ZSWIM9: variants seen among roughly 807,000 people sequenced by gnomAD.
ZSWIM9 encodes uncharacterized protein ZSWIM9.
A neutral mutation model predicts 25.0 loss-of-function variants in ZSWIM9; 11 were observed. That is an observed-to-expected ratio of 0.44 (90% CI 0.28 to 0.73). The LOEUF is 0.73. Among genes scored for constraint, ZSWIM9 ranks in the 30% least tolerant of loss-of-function variants. ZSWIM9 has a pLI of 0.16. For missense variants in ZSWIM9, 1,070 were observed against 1,296.5 expected, an observed-to-expected ratio of 0.83 and a Z score of 2.68; for synonymous variants, 562 against 582.1, an observed-to-expected ratio of 0.97 and a Z score of 0.50.
At chr19:48,188,187 C>G (rs574223005) in intron 3 of ZSWIM9, among the ~76,000 whole-genome samples, 1 of 151,666 alleles carries the variant, frequency 6.6e-6, no homozygotes, top group African/African-American at 2.4e-5. Context: ...GATTTAAGGG[C>G]AAGACTGGGG....
Position 48,195,903 on chromosome 19 carries a change from G to T in ZSWIM9, c.1839G>T (p.Gln613His), listed in dbSNP as rs2037158155. Reference sequence around the variant, plus strand: ...GTACCACCGACCTGAGGGGGACCCAGTTTGACTATGAGAGGGTCAGGAGTC... The same window carrying T: ...GTACCACCGACCTGAGGGGGACCCATTTTGACTATGAGAGGGTCAGGAGTC... ...RRSTTDLRGT[Q>H]FDYERVRSLE... The change falls in exon 4 of 4, where the codon CAG becomes CAT. Residue 613 changes from glutamine to histidine, a missense_variant. By Grantham distance (24) the Gln-to-His change is conservative. Around this residue, in one of 4 missense-constraint regions of ZSWIM9, gnomAD observed 583 missense variants for 624.7 expected, o/e 0.93. Transcript: ENST00000614654. This position sits in a 1 kb window ranked among gnomAD's most constrained non-coding sequence, Gnocchi z 5.8. 30 of 1,389,194 alleles carry T rather than the reference G, an allele frequency of 2.2e-5. No homozygotes were observed. Among genetic ancestry groups the T allele is most frequent in the Admixed American group, 3.3e-5 (1 of 30,688 alleles). The allele number at this position is 1,389,194 out of a possible 1,614,324, so 86.1% of individuals were successfully genotyped here.
Position 48,182,673 on chromosome 19 carries a change from G to C in ZSWIM9, c.494G>C (p.Arg165Pro). The C allele has an allele frequency of 6.5e-7, 1 of 1,535,748 alleles. No homozygotes were observed. The highest frequency in any genetic ancestry group is 8.7e-7 in the Non-Finnish European group (1 of 1,146,628). ...CAGTTCGTGGCCCCAGCCGACGTGC[G>C]CCGCCTGCTGTCCTACTGCAAGGGC... ...SKQFVAPADV[R>P]RLLSYCKGRD... Residue 165 changes from arginine (R) to proline (P), a missense_variant, in exon 3 of 4, where the codon CGC becomes CCC. Coordinates refer to ENST00000614654, the MANE Select transcript of ZSWIM9 (RefSeq NM_199341.4). The surrounding 1 kb of genome is among the most constrained non-coding windows in gnomAD (Gnocchi z 4.6).
chr19:48,191,257 T>A (rs1418115698), intron 3 of ZSWIM9, among the ~76,000 whole-genome samples: 1 of 152,068 alleles, frequency 6.6e-6, no homozygotes, highest in Non-Finnish European at 1.5e-5. Context: ...CAGGCTGGAG[T>A]ACAGTGGCAC....
Position 48,195,086 on chromosome 19 carries a change from G to A in ZSWIM9, c.1022G>A (p.Gly341Asp). The A allele has an allele frequency of 7.1e-7, 1 of 1,412,992 alleles. No homozygotes were observed. Among genetic ancestry groups the A allele is most frequent in the Non-Finnish European group, 9.2e-7 (1 of 1,092,666 alleles). 87.5% of individuals were successfully genotyped at this position (1,412,992 alleles called of 1,614,324 possible). A position where few individuals can be genotyped will look rare whatever the true frequency, so the allele number is the denominator to read the frequency against. Residue 341 changes from glycine to aspartate, a missense_variant, in exon 4 of 4, where the codon GGC becomes GAC. Physicochemically the swap from Gly to Asp is moderately conservative, Grantham distance 94. Coordinates refer to ENST00000614654, the MANE Select transcript of ZSWIM9 (RefSeq NM_199341.4). The surrounding 1 kb of genome is among the most constrained non-coding windows in gnomAD (Gnocchi z 5.8). ...GGCGGCGCCGGCCGCGAGGACCCGG[G>A]CCTGTGGTCGCGCCTGTGCCGCCTG... ...ELGGAGREDP[G>D]LWSRLCRLAG...
rs1308311885 is a variant in ZSWIM9, at chr19:48,182,739, G to T, written c.560G>T (p.Gly187Val). The T allele has an allele frequency of 1.3e-6, 2 of 1,534,296 alleles. No homozygotes were observed. Among genetic ancestry groups the T allele is most frequent in the Non-Finnish European group, 1.7e-6 (2 of 1,145,664 alleles). ...CTGGACGCCCTGCACGTGCTCGAGGGCCTCTTCCGCACCGACCCCGAGGCC... is the reference window on the plus strand; with the variant it reads ...CTGGACGCCCTGCACGTGCTCGAGGTCCTCTTCCGCACCGACCCCGAGGCC... The part of the protein sequence containing the change: ...GVLDALHVLE[G>V]LFRTDPEAKV... The change falls in exon 3 of 4, where the codon GGC becomes GTC. Residue 187 changes from glycine (G) to valine (V), a missense_variant. By Grantham distance (109) the Gly-to-Val change is moderately radical. Coordinates refer to ENST00000614654, the MANE Select transcript of ZSWIM9 (RefSeq NM_199341.4). The surrounding 1 kb of genome is among the most constrained non-coding windows in gnomAD (Gnocchi z 4.6).
rs1180283018 is a variant in ZSWIM9, at chr19:48,187,506, TTATATTA to T, written c.588+4745_588+4751del. Among the ~76,000 whole-genome samples, 24 of 86,832 alleles carry T rather than the reference TTATATTA, an allele frequency of 2.8e-4. 1 individual carries two copies. Among genetic ancestry groups the T allele is most frequent in the African/African-American group, 9.9e-4 (21 of 21,162 alleles). 57.0% of individuals were successfully genotyped at this position (86,832 alleles called of 152,430 possible). A position where few individuals can be genotyped will look rare whatever the true frequency, so the allele number is the denominator to read the frequency against. ...ATATATTATATTATAATATATTATATTATATTATATATATTATATATTATATTATTAT... is the reference window on the plus strand; with the variant it reads ...ATATATTATATTATAATATATTATATTATATATTATATATTATATTATTAT... On this transcript the variant is annotated intron_variant, in intron 3 of 3. Transcript: ENST00000614654.
chr19:48,192,498 T>TATATATATAC (rs369454865), intron 3 of ZSWIM9, among the ~76,000 whole-genome samples: 15 of 20,764 alleles, frequency 7.2e-4, no homozygotes, highest in Admixed American at 2.3e-3. Context: ...TATATATATA[T>TATATATATAC]ACACACACAC....
rs148003283 is a variant in ZSWIM9, at chr19:48,186,695, G to GA, written c.588+3932dup. The stretch of plus-strand genomic sequence containing the variant: ...TCTGGGGCTGGTCAAATCCCCCTGA[G>GA]AAAACTCCTCTGGCCTCCTGGCGGG... On this transcript the variant is annotated intron_variant, in intron 3 of 3. Coordinates refer to ENST00000614654, the MANE Select transcript of ZSWIM9 (RefSeq NM_199341.4). 1,294 of 155,010 alleles carry GA rather than the reference G, an allele frequency of 8.3e-3. 8 individuals are homozygous for GA. Among genetic ancestry groups the GA allele is most frequent in the Non-Finnish European group, 0.014 (940 of 68,272 alleles). The allele number at this position is 155,010 out of a possible 1,614,324, so 9.6% of individuals were successfully genotyped here. A position where few individuals can be genotyped will look rare whatever the true frequency, so the allele number is the denominator to read the frequency against.
At chr19:48,175,864 C>G (rs373746549) in intron 2 of ZSWIM9, among the ~76,000 whole-genome samples, 1 of 152,206 alleles carries the variant, frequency 6.6e-6, no homozygotes, top group Non-Finnish European at 1.5e-5. Context: ...TTTCTCAATA[C>G]ACACCGGCCG....
rs1344258585 is a variant in ZSWIM9, at chr19:48,182,313, C to T, written c.276-142C>T. On this transcript the variant is annotated intron_variant, in intron 2 of 3. Transcript: ENST00000614654. The surrounding 1 kb of genome is among the most constrained non-coding windows in gnomAD (Gnocchi z 4.6). ...ACTTGAAGTGACTTGCCCCAGGTCA[C>T]ACAGCTGGCATATTCTTAGGGCCCT... 5.6e-6 allele frequency: 4 copies of T among 709,256 alleles called. No individual in the cohort carries two copies. The highest frequency in any genetic ancestry group is 9.1e-6 in the Non-Finnish European group (4 of 439,430). 43.9% of individuals were successfully genotyped at this position (709,256 alleles called of 1,614,324 possible).
intron 1 of ZSWIM9, 39 bp from the exon 2 acceptor site, chr19:48,171,755 T>G: frequency 6.7e-7 from 1 of 1,488,620 alleles, no homozygotes; most frequent in Non-Finnish European, 8.9e-7. Flanking sequence ...CGGGTGGGAA[T>G]GGGTCTGATA....
At chr19:48,192,688 G>C (rs1394704174) in intron 3 of ZSWIM9, among the ~76,000 whole-genome samples, 1 of 150,882 alleles carries the variant, frequency 6.6e-6, no homozygotes, top group African/African-American at 2.4e-5. Context: ...CACTCCTCTG[G>C]TGCAGATGGG....
rs183094402 is a variant in ZSWIM9, at chr19:48,171,978, C to T, written c.176C>T (p.Ala59Val). 1 of 1,535,680 alleles carries T rather than the reference C, an allele frequency of 6.5e-7. No homozygotes were observed. The highest frequency in any genetic ancestry group is 8.7e-7 in the Non-Finnish European group (1 of 1,146,612). ...ATGCACCTGGCGCGCTGCCGCTGGG[C>T]CAGTGCGCCCCCGCTCTACACGCTC... ...SSMHLARCRWASAPPLYTLID... is the reference protein window; with the variant it reads ...SSMHLARCRWVSAPPLYTLID... Residue 59 changes from alanine to valine, a missense_variant, in exon 2 of 4, where the codon GCC (alanine) becomes GTC (valine). Around this residue, in one of 4 missense-constraint regions of ZSWIM9, gnomAD observed 265 missense variants for 339.0 expected, o/e 0.78. Coordinates refer to ENST00000614654, the MANE Select transcript of ZSWIM9 (RefSeq NM_199341.4).
intron 2 of ZSWIM9, chr19:48,174,858 A>G (rs1299158360): frequency 2.6e-5 from 4 of 152,184 alleles, no homozygotes; most frequent in Admixed American, 6.5e-5. Flanking sequence ...AGCACCTACT[A>G]TGTGCATGCC....
intron 3 of ZSWIM9, among the ~76,000 whole-genome samples, chr19:48,187,513 A>G (rs1444989138): frequency 1.4e-5 from 1 of 69,644 alleles, no homozygotes; most frequent in Non-Finnish European, 2.6e-5. Context: ...ATATTATATT[A>G]TATATATTAT....
At position 48,182,177 on chromosome 19, in the gene ZSWIM9, T is replaced by G. The variant is rs908740969; in HGVS notation, c.276-278T>G. On this transcript the variant is annotated intron_variant, in intron 2 of 3. Transcript: ENST00000614654. This position sits in a 1 kb window ranked among gnomAD's most constrained non-coding sequence, Gnocchi z 4.6. ...TTACTGCTTGCCATATTCCAGACAC[T>G]GTGTAGGTGCTTTACCTATATTAAC... 44 of 461,052 alleles carry G rather than the reference T, an allele frequency of 9.5e-5. 1 individual carries two copies. The East Asian group carries it at 1.0e-3, about 11-fold the overall frequency. The allele number at this position is 461,052 out of a possible 1,614,324, so 28.6% of individuals were successfully genotyped here. A position where few individuals can be genotyped will look rare whatever the true frequency, so the allele number is the denominator to read the frequency against.
Position 48,194,702 on chromosome 19 carries a change from T to A in ZSWIM9, c.638T>A (p.Phe213Tyr). 6.5e-7 allele frequency: 1 copy of A among 1,527,002 alleles called. No individual in the cohort carries two copies. The highest frequency in any genetic ancestry group is 1.2e-5 in the South Asian group (1 of 82,882). The allele number at this position is 1,527,002 out of a possible 1,614,324, so 94.6% of individuals were successfully genotyped here. Residue 213 changes from phenylalanine to tyrosine, a missense_variant, in exon 4 of 4, where the codon TTC (phenylalanine) becomes TAC (tyrosine). Coordinates refer to ENST00000614654, the MANE Select transcript of ZSWIM9 (RefSeq NM_199341.4). This position sits in a 1 kb window ranked among gnomAD's most constrained non-coding sequence, Gnocchi z 6.0. Reference protein sequence around the residue: ...EDQAVVETVFFLTSRTRALLR... With the variant: ...EDQAVVETVFYLTSRTRALLR... ...CAGGCTGTGGTGGAGACGGTGTTCT[T>A]CCTGACGTCGCGCACCAGGGCGCTG...
In ZSWIM9 at chr19:48,194,601, A is replaced by C; in HGVS notation, c.589-52A>C. ...ACCGAGGTCGGGGAGCTGGGCGGGG[A>C]GACCCCAGCATCCTCTGACCTCTTT... On this transcript the variant is annotated intron_variant, in intron 3 of 3. Coordinates refer to ENST00000614654, the MANE Select transcript of ZSWIM9 (RefSeq NM_199341.4). The surrounding 1 kb of genome is among the most constrained non-coding windows in gnomAD (Gnocchi z 6.0). 1 of 1,352,958 alleles carries C rather than the reference A, an allele frequency of 7.4e-7. No individual in the cohort carries two copies. Among genetic ancestry groups the C allele is most frequent in the Non-Finnish European group, 9.5e-7 (1 of 1,050,950 alleles). 83.8% of individuals were successfully genotyped at this position (1,352,958 alleles called of 1,614,324 possible).
chr19:48,187,565 AATATT>A (rs1224992201), intron 3 of ZSWIM9: 103 of 23,666 alleles, frequency 4.4e-3, no homozygotes, highest in African/African-American at 0.01. Flanking sequence ...TATTATATAT[AATATT>A]ATATATATTA....
Sources: gnomAD v4.1 joint callset for allele counts (sites outside exome capture counted in the v4.1 genomes callset) on GRCh38, gnomAD v4.1.1 for gene constraint, gnomAD v4.1.1 regional missense constraint, Gnocchi (gnomAD v3.1) non-coding constraint, MANE v1.5 for transcripts, NCBI Gene and HGNC (gene_info 2026-07-23, HGNC 2026-07-21) for gene names.